The following TRIM69 variants were observed in gnomAD, a reference collection of about 807,000 sequenced individuals.
TRIM69 encodes the protein tripartite motif containing 69.
Under a neutral mutation model 37.7 loss-of-function variants are expected in TRIM69, and 29 were observed. The observed-to-expected ratio is 0.77, with a 90% confidence interval of 0.57 to 1.05. The LOEUF is 1.05. Ranked by LOEUF, TRIM69 falls within the 50% of genes least tolerant of loss-of-function variation. TRIM69 has a pLI of 0.00. For missense variants in TRIM69, 596 were observed against 579.9 expected, an observed-to-expected ratio of 1.03 and a Z score of -0.28; for synonymous variants, 209 against 212.4, an observed-to-expected ratio of 0.98 and a Z score of 0.14.
chr15:44,745,521 T>C (rs1566890298), intron 1 of TRIM69, among the ~76,000 whole-genome samples: 1 of 152,054 alleles, frequency 6.6e-6, no homozygotes, highest in Admixed American at 6.6e-5. Flanking sequence ...ATATGGCCCA[T>C]GGACAGGAGA....
chr15:44,751,469 T>C (rs1309757453), intron 1 of TRIM69, among the ~76,000 whole-genome samples: 1 of 152,136 alleles, frequency 6.6e-6, no homozygotes, highest in Non-Finnish European at 1.5e-5. Context: ...CTTACTGTGT[T>C]GCCCAGGCTG....
intron 5 of TRIM69, 22 bp from the exon 6 acceptor site, chr15:44,759,725 TA>T: frequency 6.2e-7 from 1 of 1,614,178 alleles, no homozygotes; most frequent in Non-Finnish European, 8.5e-7. Flanking sequence ...TGTCTAAGGA[TA>T]AATGATTTAT....
intron 1 of TRIM69, chr15:44,752,816 A>C (rs2087563565): frequency 6.6e-6 from 1 of 152,076 alleles, no homozygotes; most frequent in South Asian, 2.1e-4. Context: ...AGGGGGTTAT[A>C]ATTAGTCAAC....
chr15:44,767,349 G>A lies in TRIM69; in HGVS notation c.1080G>A (p.Arg360=), dbSNP rs2087919269. Reference sequence around the variant, plus strand: ...AGATAATGCCTGATGATCCTGAGAGGTTTGACTCAAGTGTGGCTGTACTGG... The same window carrying A: ...AGATAATGCCTGATGATCCTGAGAGATTTGACTCAAGTGTGGCTGTACTGG... The part of the protein sequence containing the change: ...IKKIMPDDPE[R]FDSSVAVLGS... The change falls in exon 7 of 7, where the codon AGG becomes AGA. Residue 360 remains arginine (R), a synonymous_variant. Transcript: ENST00000329464. 6.2e-7 allele frequency: 1 copy of A among 1,614,114 alleles called. No individual in the cohort carries two copies. The highest frequency in any genetic ancestry group is 8.5e-7 in the Non-Finnish European group (1 of 1,180,034).
intron 3 of TRIM69, 124 bp downstream of exon 3, chr15:44,756,587 A>G (rs1596030056): frequency 4.7e-6 from 3 of 639,292 alleles, no homozygotes; most frequent in Non-Finnish European, 8.0e-6. Context: ...TAGGCTATGG[A>G]ATTGGAAAAC....
At chr15:44,760,479 A>G (rs2141145174) in intron 6 of TRIM69, among the ~76,000 whole-genome samples, 1 of 152,334 alleles carries the variant, frequency 6.6e-6, no homozygotes, top group Non-Finnish European at 1.5e-5. Context: ...AAAATTCTAA[A>G]TAGAGTTTTT....
At chr15:44,746,339 C>CA (rs2087406486) in intron 1 of TRIM69, among the ~76,000 whole-genome samples, 1 of 152,012 alleles carries the variant, frequency 6.6e-6, no homozygotes, top group African/African-American at 2.4e-5. Context: ...ATCTTACCTA[C>CA]AAAAAATGAC....
At chr15:44,766,847 A>G (rs937749475) in intron 6 of TRIM69, among the ~76,000 whole-genome samples, 2 of 151,888 alleles carry the variant, frequency 1.3e-5, no homozygotes, top group Non-Finnish European at 2.9e-5. Flanking sequence ...GCTTGGGGCC[A>G]GGAGTTCAAG....
intron 1 of TRIM69, among the ~76,000 whole-genome samples, chr15:44,739,571 G>A (rs1295946088): frequency 6.6e-6 from 1 of 152,224 alleles, no homozygotes; most frequent in African/African-American, 2.4e-5. Context: ...TGCACCAGGA[G>A]ATTATATCCT....
intron 6 of TRIM69, 145 bp from the exon 7 acceptor site, chr15:44,767,086 C>CAAAAAAAAAAAAAAAAAAA (rs1268697561): frequency 4.1e-5 from 3 of 72,294 alleles, no homozygotes; most frequent in South Asian, 2.8e-4. Flanking sequence ...AAAAAAAAAG[C>CAAAAAAAAAAAAAAAAAAA]ATATAAGTAA....
At chr15:44,758,969 C>CA in intron 4 of TRIM69, 115 bp downstream of exon 4, 1 of 1,315,630 alleles carries the variant, frequency 7.6e-7, no homozygotes, top group Middle Eastern at 1.9e-4. Flanking sequence ...CAAAACAAAA[C>CA]AAAACTGTTA....
chr15:44,747,745 A>G (rs1423254109), intron 1 of TRIM69, among the ~76,000 whole-genome samples: 1 of 152,228 alleles, frequency 6.6e-6, no homozygotes, highest in Non-Finnish European at 1.5e-5. Context: ...GCAAAGGGCT[A>G]CAGACTCAAT....
At chr15:44,742,886 T>C (rs62025035) in intron 1 of TRIM69, among the ~76,000 whole-genome samples, 8,167 of 151,234 alleles carry the variant, frequency 0.054, 233 homozygotes, top group Non-Finnish European at 0.061. Flanking sequence ...ATGGCCATAC[T>C]GCCCAAGGTA....
At chr15:44,757,497 T>C (rs2084835) in intron 3 of TRIM69, 126,528 of 152,066 alleles carry the variant, frequency 0.83, 53,224 homozygotes, top group Middle Eastern at 0.92. Flanking sequence ...TGGAGAAGAA[T>C]GTTCTAGGAA....
In TRIM69 at chr15:44,756,469, G is replaced by T. The variant is rs1230431877; in HGVS notation, c.579+6G>T. Reference sequence around the variant, plus strand: ...AAGCTATTGCTGCTCACAAGGTGAGGAGCAAGAAAGAGGGGTTATGAGATA... The same window carrying T: ...AAGCTATTGCTGCTCACAAGGTGAGTAGCAAGAAAGAGGGGTTATGAGATA... On this transcript the variant is annotated splice_donor_region_variant and intron_variant, in intron 3 of 6. Transcript: ENST00000329464. 7.2e-6 allele frequency: 11 copies of T among 1,536,780 alleles called. No individual in the cohort carries two copies. Among genetic ancestry groups the T allele is most frequent in the South Asian group, 1.2e-5 (1 of 83,726 alleles).
Position 44,767,567 on chromosome 15 carries a change from G to A in TRIM69, c.1298G>A (p.Ser433Asn). The change falls in exon 7 of 7, where the codon AGT becomes AAT. Residue 433 changes from serine (S) to asparagine (N), a missense_variant. Transcript: ENST00000329464. The stretch of plus-strand genomic sequence containing the variant: ...AAGGCTCTGGATTTGCCTTCTTTCA[G>A]TCTGACACTGACTAACAACCTCGAC... ...DLKALDLPSF[S>N]LTLTNNLDKV... is the part of the protein sequence containing the mutation. The A allele has an allele frequency of 3.1e-6, 5 of 1,614,200 alleles. No individual in the cohort carries two copies. Among genetic ancestry groups the A allele is most frequent in the Non-Finnish European group, 3.4e-6 (4 of 1,180,034 alleles).
chr15:44,740,850 C>T (rs991436270), intron 1 of TRIM69, among the ~76,000 whole-genome samples: 97 of 152,212 alleles, frequency 6.4e-4, no homozygotes, highest in Admixed American at 1.0e-3. Context: ...GACTTAGACT[C>T]CCACACAATA....
At chr15:44,766,211 A>G (rs2141152587) in intron 6 of TRIM69, among the ~76,000 whole-genome samples, 1 of 152,342 alleles carries the variant, frequency 6.6e-6, no homozygotes, top group South Asian at 2.1e-4. Flanking sequence ...ATTAGATTCA[A>G]CTGACATAAA....
Position 44,767,568 on chromosome 15 carries a change from TC to T in TRIM69, c.1300del (p.Leu434Ter). The T allele has an allele frequency of 6.2e-7, 1 of 1,614,226 alleles. No homozygotes were observed. The highest frequency in any genetic ancestry group is 8.5e-7 in the Non-Finnish European group (1 of 1,180,044). The stretch of plus-strand genomic sequence containing the variant: ...AGGCTCTGGATTTGCCTTCTTTCAG[TC>T]TGACACTGACTAACAACCTCGACAA... ...LKALDLPSFSLTLTNNLDKVG... is the reference protein window; with the variant it reads ...LKALDLPSFSXTLTNNLDKVG... On this transcript the variant is annotated frameshift_variant, in exon 7 of 7. Transcript: ENST00000329464. LOFTEE classifies it high-confidence loss of function.
Sources: gnomAD v4.1 joint callset for allele counts (sites outside exome capture counted in the v4.1 genomes callset) on GRCh38, gnomAD v4.1.1 for gene constraint, MANE v1.5 for transcripts, NCBI Gene and HGNC (gene_info 2026-07-23, HGNC 2026-07-21) for gene names.